Variants in LPIN1 observed in about 807,000 individuals in gnomAD.
The protein encoded by LPIN1 is phosphatidate phosphatase LPIN1.
A neutral mutation model predicts 107.5 loss-of-function variants in LPIN1; 71 were observed. That is an observed-to-expected ratio of 0.66 (90% CI 0.55 to 0.80). The LOEUF (loss-of-function observed/expected upper bound fraction) is 0.80, where lower values mean the gene tolerates loss of function less well. Among genes scored for constraint, LPIN1 ranks in the 30% least tolerant of loss-of-function variants. The pLI, the probability that LPIN1 is intolerant of heterozygous loss-of-function variation, is 0.00. For synonymous variants in LPIN1, 445 were observed against 452.6 expected, an observed-to-expected ratio of 0.98 and a Z score of 0.21; for missense variants, 1,043 against 1,160.6, an observed-to-expected ratio of 0.90 and a Z score of 1.47.
At chr2:11,737,546 C>A (rs952925726) in intron 1 of LPIN1, among the ~76,000 whole-genome samples, 5 of 152,058 alleles carry the variant, frequency 3.3e-5, no homozygotes, top group Non-Finnish European at 5.9e-5. Context: ...AAGAAAAAAA[C>A]CAAACAACCC....
intron 1 of LPIN1, among the ~76,000 whole-genome samples, chr2:11,690,301 A>G (rs1205658492): frequency 6.6e-6 from 1 of 152,030 alleles, no homozygotes; most frequent in Non-Finnish European, 1.5e-5. Context: ...CTTTTCTTGA[A>G]TGGTGGTTTA....
intron 9 of LPIN1, 142 bp from the exon 10 acceptor site, chr2:11,784,744 G>A (rs984929601): frequency 8.7e-6 from 7 of 801,608 alleles, no homozygotes; most frequent in South Asian, 1.4e-5. Context: ...CCTTGTCGTG[G>A]TGCTTTAATA....
In LPIN1 at chr2:11,819,551, T is replaced by C. The variant is rs1164533402; in HGVS notation, c.2470T>C (p.Phe824Leu). ...QCLTDIKNLF[F>L]PNTEPFYAAF... is the part of the protein sequence containing the mutation. ...TTTGACAGACATCAAAAACCTGTTT[T>C]TCCCCAACACAGAACCCTTTTATGC... Residue 824 changes from phenylalanine to leucine, a missense_variant, in exon 19 of 21, where the codon TTC becomes CTC. Phe to Leu is a conservative substitution (Grantham distance 22, BLOSUM62 0). Transcript: ENST00000674199. 1 of 1,614,062 alleles carries C rather than the reference T, an allele frequency of 6.2e-7. No individual in the cohort carries two copies. Among genetic ancestry groups the C allele is most frequent in the Non-Finnish European group, 8.5e-7 (1 of 1,179,990 alleles).
chr2:11,775,858 A>G (rs1027184024), intron 5 of LPIN1, among the ~76,000 whole-genome samples: 5 of 147,872 alleles, frequency 3.4e-5, no homozygotes, highest in African/African-American at 9.8e-5. Context: ...TAAAGTATAT[A>G]TACTTTGTAA....
intron 10 of LPIN1, among the ~76,000 whole-genome samples, chr2:11,785,420 A>G (rs962779261): frequency 6.6e-6 from 1 of 152,210 alleles, no homozygotes; most frequent in Admixed American, 6.5e-5. Context: ...GGCGCCTTGG[A>G]ACAGGGAGGT....
intron 1 of LPIN1, among the ~76,000 whole-genome samples, chr2:11,735,095 C>A (rs536801696): frequency 3.3e-5 from 5 of 151,968 alleles, no homozygotes; most frequent in Non-Finnish European, 7.4e-5. Flanking sequence ...AGTTCGAGAC[C>A]AACCTGGCCA....
At chr2:11,789,469 CGT>C (rs1675280010) in intron 12 of LPIN1, among the ~76,000 whole-genome samples, 1 of 150,262 alleles carries the variant, frequency 6.7e-6, no homozygotes, top group South Asian at 2.1e-4. Flanking sequence ...TGGATGTGCA[CGT>C]GTGTGCATGT....
chr2:11,795,511 T>G (rs778444789), intron 14 of LPIN1, 24 bp downstream of exon 14: 1 of 1,608,288 alleles, frequency 6.2e-7, no homozygotes, highest in Admixed American at 1.7e-5. Flanking sequence ...CTTCTTGGGA[T>G]GTTTGCAGCC....
chr2:11,801,299 G>A (rs555211389), intron 14 of LPIN1, among the ~76,000 whole-genome samples: 4 of 152,280 alleles, frequency 2.6e-5, no homozygotes, highest in African/African-American at 9.6e-5. Context: ...AGGGATACCT[G>A]CATCTCCATG....
At position 11,697,104 on chromosome 2, in the gene LPIN1, C is replaced by T. The variant is rs1194806121; in HGVS notation, c.82-16652C>T. Among the ~76,000 whole-genome samples, 4 of 152,340 alleles carry T rather than the reference C, an allele frequency of 2.6e-5. No individual in the cohort carries two copies. Among genetic ancestry groups the T allele is most frequent in the African/African-American group, 4.8e-5 (2 of 41,578 alleles). On this transcript the variant is annotated intron_variant, in intron 1 of 21. Transcript: ENST00000449576. This position sits in a 1 kb window ranked among gnomAD's most constrained non-coding sequence, Gnocchi z 4.6. ...AAGCTGTATCTGGTGAGAACAGATGCGTAGTCCCGGAGCTCAAGTTCTGGG... is the reference window on the plus strand; with the variant it reads ...AAGCTGTATCTGGTGAGAACAGATGTGTAGTCCCGGAGCTCAAGTTCTGGG...
chr2:11,765,666 A>G lies in LPIN1; in HGVS notation c.125A>G (p.Asn42Ser), dbSNP rs770957587. 6 of 1,613,502 alleles carry G rather than the reference A, an allele frequency of 3.7e-6. No homozygotes were observed. Among genetic ancestry groups the G allele is most frequent in the African/African-American group, 2.7e-5 (2 of 74,792 alleles). The change falls in exon 2 of 21, where the codon AAC becomes AGC. Residue 42 changes from asparagine to serine, a missense_variant. Transcript: ENST00000674199. The surrounding 1 kb of genome is among the most constrained non-coding windows in gnomAD (Gnocchi z 4.4). ...ATTGTCATCCGCCAGCCCAATGGAA[A>G]CCTCCAATGCTCCCCTTTCCACGTC... ...DIIVIRQPNG[N>S]LQCSPFHVRF... is the part of the protein sequence containing the mutation.
chr2:11,806,947 T>A (rs539414020), intron 17 of LPIN1, among the ~76,000 whole-genome samples: 2 of 152,238 alleles, frequency 1.3e-5, no homozygotes, highest in Non-Finnish European at 2.9e-5. Context: ...TTTACCTTAC[T>A]CTTTTTGCTA....
intron 1 of LPIN1, among the ~76,000 whole-genome samples, chr2:11,699,879 G>T (rs759673656): frequency 2.6e-5 from 4 of 152,080 alleles, no homozygotes; most frequent in Non-Finnish European, 5.9e-5. Flanking sequence ...CTGGACAAAC[G>T]GTAAGCTGTG....
At chr2:11,757,254 G>A (rs746418050) in intron 1 of LPIN1, among the ~76,000 whole-genome samples, 2 of 152,180 alleles carry the variant, frequency 1.3e-5, no homozygotes. Context: ...TTTGTTTATC[G>A]TTTGTCACCC....
chr2:11,820,579 C>T (rs1681340271), intron 20 of LPIN1, 65 bp downstream of exon 20: 3 of 1,187,438 alleles, frequency 2.5e-6, no homozygotes, highest in Non-Finnish European at 2.5e-6. Flanking sequence ...CGGTGCTTCC[C>T]AGTTTGCGGT....
intron 17 of LPIN1, among the ~76,000 whole-genome samples, chr2:11,813,229 G>A (rs537501493): frequency 1.1e-4 from 17 of 152,258 alleles, no homozygotes; most frequent in Non-Finnish European, 1.3e-4. Flanking sequence ...GGGTCTGGAC[G>A]GGGTCCATGC....
chr2:11,748,010 A>C (rs62113308), intron 1 of LPIN1, among the ~76,000 whole-genome samples: 10,563 of 152,280 alleles, frequency 0.069, 529 homozygotes, highest in Middle Eastern at 0.16. Flanking sequence ...GGTCTCGCTT[A>C]TCAGCAGTTC....
chr2:11,742,400 C>T (rs761943851), upstream of LPIN1, among the ~76,000 whole-genome samples: 5 of 152,158 alleles, frequency 3.3e-5, no homozygotes, highest in Non-Finnish European at 7.3e-5. Flanking sequence ...CCTTAGCATT[C>T]TGTCTGTGTA....
exon 1 of LPIN1, chr2:11,677,709 C>G: frequency 6.5e-7 from 1 of 1,535,734 alleles, no homozygotes; most frequent in Non-Finnish European, 8.7e-7. Context: ...AAGAGCTCCC[C>G]AGACTCGGCT....
Sources: allele counts gnomAD v4.1 joint callset (sites outside exome capture counted in the v4.1 genomes callset), GRCh38; gene constraint gnomAD v4.1.1; non-coding constraint Gnocchi (gnomAD v3.1); transcripts MANE v1.5; gene names NCBI Gene and HGNC (gene_info 2026-07-23, HGNC 2026-07-21).